The following ZMAT4 variants were observed in gnomAD, a reference collection of about 807,000 sequenced individuals.
ZMAT4 encodes the protein zinc finger matrin-type protein 4.
ZMAT4 carries 17 observed loss-of-function variants against 28.7 expected under a neutral mutation model. The ratio of observed to expected loss-of-function variants is 0.59; its 90% CI spans 0.41 to 0.89. The LOEUF is 0.89. Ranked by LOEUF, ZMAT4 falls within the 40% of genes least tolerant of loss-of-function variation. ZMAT4 has a pLI of 0.00. For synonymous variants in ZMAT4, 117 were observed against 109.2 expected (o/e 1.07, Z -0.44); for missense variants, 240 against 283.8 (o/e 0.85, Z 1.11).
intron 3 of ZMAT4, among the ~76,000 whole-genome samples, chr8:40,725,453 T>C (rs1293127274): frequency 1.3e-5 from 2 of 152,214 alleles, no homozygotes; most frequent in African/African-American, 2.4e-5. Flanking sequence ...TAAAAATGTC[T>C]CGAGATGGCA....
chr8:40,622,036 A>G (rs981052712), intron 5 of ZMAT4, among the ~76,000 whole-genome samples: 7 of 152,334 alleles, frequency 4.6e-5, no homozygotes, highest in African/African-American at 1.7e-4. Flanking sequence ...AACATTTATT[A>G]TATGCTTAAT....
intron 4 of ZMAT4, among the ~76,000 whole-genome samples, chr8:40,688,821 T>C (rs757856401): frequency 2.0e-5 from 3 of 152,228 alleles, no homozygotes; most frequent in Admixed American, 6.5e-5. Flanking sequence ...GCTCACTTCA[T>C]TAAAATGAGA....
At chr8:40,872,634 C>T (rs1230738157) in intron 1 of ZMAT4, among the ~76,000 whole-genome samples, 1 of 152,192 alleles carries the variant, frequency 6.6e-6, no homozygotes, top group Non-Finnish European at 1.5e-5. Context: ...CAGCAGAGTA[C>T]TCCTTCCAGC....
At chr8:40,712,266 C>T (rs1810656292) in intron 3 of ZMAT4, among the ~76,000 whole-genome samples, 1 of 152,108 alleles carries the variant, frequency 6.6e-6, no homozygotes, top group Non-Finnish European at 1.5e-5. Context: ...TGGTGCCTAA[C>T]CTAGAGAGCA....
chr8:40,785,008 C>T (rs186859887), intron 2 of ZMAT4, among the ~76,000 whole-genome samples: 52 of 152,344 alleles, frequency 3.4e-4, no homozygotes, highest in African/African-American at 1.1e-3. Context: ...ACTTCAGAGA[C>T]TAAAGTCTTA....
At chr8:40,615,225 CT>C (rs751840016) in intron 5 of ZMAT4, among the ~76,000 whole-genome samples, 3 of 152,058 alleles carry the variant, frequency 2.0e-5, no homozygotes, top group Admixed American at 6.6e-5. Context: ...GTTGAAAATT[CT>C]TTTCTTTAAG....
chr8:40,638,297 C>T (rs1806871260), intron 5 of ZMAT4, among the ~76,000 whole-genome samples: 2 of 152,116 alleles, frequency 1.3e-5, no homozygotes, highest in African/African-American at 2.4e-5. Context: ...ACAATGGGTG[C>T]ATGTATCAAA....
At chr8:40,647,414 C>T (rs959399009) in intron 5 of ZMAT4, among the ~76,000 whole-genome samples, 7 of 152,210 alleles carry the variant, frequency 4.6e-5, no homozygotes, top group South Asian at 4.1e-4. Flanking sequence ...GCACCTGGCT[C>T]GGAGGGTCCT....
At position 40,612,403 on chromosome 8, in the gene ZMAT4, G is replaced by T. The variant is rs904959556; in HGVS notation, c.578-31142C>A. Among the ~76,000 whole-genome samples the T allele has an allele frequency of 7.3e-5, 10 of 137,732 alleles. 3 individuals are homozygous for T. Among genetic ancestry groups the T allele is most frequent in the Non-Finnish European group, 1.7e-4 (10 of 59,368 alleles). 90.4% of individuals were successfully genotyped at this position (137,732 alleles called of 152,430 possible). ...ACAGAAAATTTCTAAGTTGTCCATAGCACTGGCAACCCATCCAAATTTCCT... is the reference window on the plus strand; with the variant it reads ...ACAGAAAATTTCTAAGTTGTCCATATCACTGGCAACCCATCCAAATTTCCT... On this transcript the variant is annotated intron_variant, in intron 5 of 6. Coordinates refer to ENST00000297737, the MANE Select transcript of ZMAT4 (RefSeq NM_024645.3).
At chr8:40,709,148 C>A (rs1563426502) in intron 3 of ZMAT4, among the ~76,000 whole-genome samples, 1 of 152,280 alleles carries the variant, frequency 6.6e-6, no homozygotes, top group Non-Finnish European at 1.5e-5. Context: ...GACTTTAAAT[C>A]ATCCCTGCAT....
chr8:40,877,821 G>T (rs1170505256), intron 1 of ZMAT4, among the ~76,000 whole-genome samples: 1 of 152,096 alleles, frequency 6.6e-6, no homozygotes, highest in East Asian at 1.9e-4. Flanking sequence ...CATTATAGCT[G>T]CTGTTTGGAA....
chr8:40,621,454 A>T (rs1806194739), intron 5 of ZMAT4, among the ~76,000 whole-genome samples: 1 of 152,224 alleles, frequency 6.6e-6, no homozygotes, highest in East Asian at 1.9e-4. Flanking sequence ...ATGTCTGAGC[A>T]GCTGATAATT....
intron 6 of ZMAT4, among the ~76,000 whole-genome samples, chr8:40,578,642 T>C (rs943165645): frequency 2.0e-5 from 3 of 152,174 alleles, no homozygotes; most frequent in African/African-American, 7.2e-5. Flanking sequence ...ATCACAAGCA[T>C]GCCCGCACAT....
intron 6 of ZMAT4, among the ~76,000 whole-genome samples, chr8:40,554,547 C>T (rs1412301469): frequency 6.6e-6 from 1 of 152,140 alleles, no homozygotes; most frequent in African/African-American, 2.4e-5. Context: ...CATTCTGTCT[C>T]ATACCACTTT....
At chr8:40,650,132 C>T (rs184663506) in intron 5 of ZMAT4, among the ~76,000 whole-genome samples, 94 of 152,182 alleles carry the variant, frequency 6.2e-4, no homozygotes, top group African/African-American at 2.1e-3. Context: ...TTAATGAATC[C>T]AGGAGCTGGT....
At chr8:40,572,343 TCA>T (rs375401563) in intron 6 of ZMAT4, among the ~76,000 whole-genome samples, 4 of 152,284 alleles carry the variant, frequency 2.6e-5, no homozygotes, top group African/African-American at 9.6e-5. Flanking sequence ...GAAAAAAACC[TCA>T]GAGAAACAAA....
At chr8:40,723,862 G>A (rs1248006188) in intron 3 of ZMAT4, among the ~76,000 whole-genome samples, 1 of 152,098 alleles carries the variant, frequency 6.6e-6, no homozygotes, top group East Asian at 1.9e-4. Context: ...GCCCCTGTGT[G>A]GGTAGTGAGA....
intron 6 of ZMAT4, among the ~76,000 whole-genome samples, chr8:40,548,210 C>A (rs983473701): frequency 2.4e-4 from 37 of 151,950 alleles, no homozygotes; most frequent in African/African-American, 8.7e-4. Context: ...TTATGCTGAA[C>A]AAGATGGAAA....
At chr8:40,766,171 G>T (rs1318304522) in intron 3 of ZMAT4, among the ~76,000 whole-genome samples, 2 of 152,164 alleles carry the variant, frequency 1.3e-5, no homozygotes, top group East Asian at 1.9e-4. Context: ...GAGCCCCTTG[G>T]CATGATCCGC....
Sources: allele counts gnomAD v4.1 joint callset (sites outside exome capture counted in the v4.1 genomes callset), GRCh38; gene constraint gnomAD v4.1.1; transcripts MANE v1.5; gene names NCBI Gene and HGNC (gene_info 2026-07-23, HGNC 2026-07-21).